The following CNTN5 variants were observed in gnomAD, a reference collection of about 807,000 sequenced individuals.
CNTN5 encodes the protein contactin 5, also known as contactin-5.
Under a neutral mutation model 129.1 loss-of-function variants are expected in CNTN5, and 77 were observed. That is an observed-to-expected ratio of 0.60 (90% CI 0.50 to 0.72). The LOEUF (loss-of-function observed/expected upper bound fraction) is 0.72, where lower values mean the gene tolerates loss of function less well. Ranked by LOEUF, CNTN5 falls within the 30% of genes least tolerant of loss-of-function variation. The pLI, the probability that CNTN5 is intolerant of heterozygous loss-of-function variation, is 0.00. For synonymous variants in CNTN5, 509 were observed against 465.6 expected (o/e 1.09, Z -1.20); for missense variants, 1,478 against 1,328.8 (o/e 1.11, Z -1.75).
intron 9 of CNTN5, among the ~76,000 whole-genome samples, chr11:100,053,321 GA>G (rs1943055659): frequency 6.6e-6 from 1 of 151,544 alleles, no homozygotes; most frequent in Non-Finnish European, 1.5e-5. Flanking sequence ...GCTCAGATTG[GA>G]AGAAAATATG....
intron 2 of CNTN5, among the ~76,000 whole-genome samples, chr11:99,393,321 G>A (rs994377419): frequency 6.6e-6 from 1 of 151,860 alleles, no homozygotes; most frequent in South Asian, 2.1e-4. Context: ...GCATGGATTG[G>A]AGACAGAACC....
intron 2 of CNTN5, among the ~76,000 whole-genome samples, chr11:99,542,157 C>T (rs1591249951): frequency 6.6e-6 from 1 of 152,028 alleles, no homozygotes; most frequent in African/African-American, 2.4e-5. Flanking sequence ...TATCTATCAC[C>T]TCAAACATTT....
chr11:99,786,490 T>C (rs1945528855), intron 3 of CNTN5, among the ~76,000 whole-genome samples: 1 of 152,118 alleles, frequency 6.6e-6, no homozygotes, highest in African/African-American at 2.4e-5. Context: ...CTTCACAGAA[T>C]TAGAAAAAAA....
At chr11:99,428,676 A>G (rs966152544) in intron 2 of CNTN5, among the ~76,000 whole-genome samples, 2 of 152,086 alleles carry the variant, frequency 1.3e-5, no homozygotes, top group African/African-American at 2.4e-5. Context: ...TATAACTTCA[A>G]GATTCTAAAT....
intron 1 of CNTN5, among the ~76,000 whole-genome samples, chr11:99,086,450 A>G (rs988167296): frequency 1.3e-5 from 2 of 152,164 alleles, no homozygotes; most frequent in Non-Finnish European, 2.9e-5. Flanking sequence ...GCTTTTACTC[A>G]TTGCAGAAGG....
intron 2 of CNTN5, among the ~76,000 whole-genome samples, chr11:99,338,597 G>A (rs1866344486): frequency 6.6e-6 from 1 of 151,998 alleles, no homozygotes; most frequent in Admixed American, 6.6e-5. Flanking sequence ...CCCTGATTCT[G>A]TAAAATAATG....
chr11:99,923,581 G>T (rs1009724285), intron 7 of CNTN5, among the ~76,000 whole-genome samples: 2 of 152,036 alleles, frequency 1.3e-5, no homozygotes, highest in African/African-American at 4.8e-5. Context: ...TTACTTTGGG[G>T]TATATACCCA....
chr11:99,819,038 A>C (rs1946685342), intron 3 of CNTN5, among the ~76,000 whole-genome samples: 1 of 152,026 alleles, frequency 6.6e-6, no homozygotes, highest in African/African-American at 2.4e-5. Context: ...TAGTAAATGA[A>C]GTTCCTATCT....
intron 16 of CNTN5, among the ~76,000 whole-genome samples, chr11:100,232,732 A>C (rs1185866403): frequency 6.6e-6 from 1 of 152,186 alleles, no homozygotes; most frequent in Non-Finnish European, 1.5e-5. Context: ...CTAGCTAAAC[A>C]TGAACAACTT....
chr11:99,291,097 G>A (rs769347611), intron 1 of CNTN5, among the ~76,000 whole-genome samples: 1 of 151,766 alleles, frequency 6.6e-6, no homozygotes, highest in Non-Finnish European at 1.5e-5. Flanking sequence ...GAAAAATAAT[G>A]GGATTCTCTA....
chr11:99,382,275 G>A (rs1327229989), intron 2 of CNTN5, among the ~76,000 whole-genome samples: 1 of 152,040 alleles, frequency 6.6e-6, no homozygotes, highest in African/African-American at 2.4e-5. Flanking sequence ...TGAATGGCAC[G>A]CAGCACCCCC....
intron 1 of CNTN5, among the ~76,000 whole-genome samples, chr11:99,060,398 T>C (rs1488745040): frequency 6.6e-6 from 1 of 152,108 alleles, no homozygotes; most frequent in African/African-American, 2.4e-5. Flanking sequence ...TTTTAAAAAT[T>C]TAGATTTATA....
chr11:99,986,787 T>A (rs1438354542), intron 8 of CNTN5, among the ~76,000 whole-genome samples: 7 of 152,176 alleles, frequency 4.6e-5, no homozygotes, highest in Non-Finnish European at 8.8e-5. Flanking sequence ...CCACCATTAT[T>A]GCAAATGTCA....
intron 2 of CNTN5, among the ~76,000 whole-genome samples, chr11:99,405,181 A>G (rs1221708332): frequency 2.0e-5 from 3 of 152,004 alleles, no homozygotes; most frequent in Non-Finnish European, 4.4e-5. Context: ...GATTTTAATT[A>G]TTAAATTTCT....
intron 2 of CNTN5, among the ~76,000 whole-genome samples, chr11:99,540,000 T>C (rs1261874846): frequency 6.6e-6 from 1 of 152,152 alleles, no homozygotes; most frequent in Non-Finnish European, 1.5e-5. Context: ...GCAAAGATGG[T>C]GAATTTGCCT....
At chr11:99,339,575 C>G (rs143913876) in intron 2 of CNTN5, among the ~76,000 whole-genome samples, 1 of 151,856 alleles carries the variant, frequency 6.6e-6, no homozygotes, top group African/African-American at 2.4e-5. Context: ...GTCAGGAGAT[C>G]GAGACCATCC....
intron 13 of CNTN5, among the ~76,000 whole-genome samples, chr11:100,149,913 G>GA (rs1340607078): frequency 7.1e-6 from 1 of 141,236 alleles, no homozygotes. Flanking sequence ...AAAAAGAAAA[G>GA]AAAAGAAAAA....
At chr11:99,136,326 A>G (rs1859216276) in intron 1 of CNTN5, among the ~76,000 whole-genome samples, 2 of 152,186 alleles carry the variant, frequency 1.3e-5, no homozygotes, top group African/African-American at 4.8e-5. Context: ...ACAGAAACAT[A>G]GCCAGGGTAC....
At chr11:99,428,534 T>C (rs1291552913) in intron 2 of CNTN5, among the ~76,000 whole-genome samples, 4 of 132,274 alleles carry the variant, frequency 3.0e-5, no homozygotes, top group African/African-American at 1.2e-4. Flanking sequence ...CCCTCCAGCC[T>C]GGACAAGAGA....
Sources: allele counts gnomAD v4.1 joint callset (sites outside exome capture counted in the v4.1 genomes callset), GRCh38; gene constraint gnomAD v4.1.1; transcripts MANE v1.5; gene names NCBI Gene and HGNC (gene_info 2026-07-23, HGNC 2026-07-21).